LHFPL3: variants seen among roughly 807,000 people sequenced by gnomAD.
LHFPL3 encodes the protein LHFPL tetraspan subfamily member 3, also known as LHFPL tetraspan subfamily member 3 protein.
Under a neutral mutation model 19.3 loss-of-function variants are expected in LHFPL3, and 5 were observed. The ratio of observed to expected loss-of-function variants is 0.26; its 90% CI spans 0.14 to 0.54. The LOEUF (loss-of-function observed/expected upper bound fraction) is 0.54. Among genes scored for constraint, LHFPL3 ranks in the 20% least tolerant of loss-of-function variants. The probability of loss-of-function intolerance (pLI) is 0.94; values close to 1 mark genes in which losing one functional copy is unlikely to be tolerated. For missense variants in LHFPL3, 249 were observed against 307.4 expected, an observed-to-expected ratio of 0.81 and a Z score of 1.42; for synonymous variants, 133 against 126.2, an observed-to-expected ratio of 1.05 and a Z score of -0.36.
chr7:104,645,090 T>C (rs1308581986), intron 1 of LHFPL3, among the ~76,000 whole-genome samples: 1 of 152,212 alleles, frequency 6.6e-6, no homozygotes, highest in Non-Finnish European at 1.5e-5. Context: ...CATGATTATC[T>C]GAATTCTTCA....
chr7:104,431,369 C>A (rs929675108), intron 1 of LHFPL3, among the ~76,000 whole-genome samples: 1 of 152,156 alleles, frequency 6.6e-6, no homozygotes, highest in Non-Finnish European at 1.5e-5. Flanking sequence ...CCCAATGAGA[C>A]TCCTTCATCC....
At chr7:104,767,939 C>T (rs368966975) in intron 2 of LHFPL3, among the ~76,000 whole-genome samples, 3 of 151,978 alleles carry the variant, frequency 2.0e-5, no homozygotes, top group African/African-American at 7.3e-5. Context: ...TCATCTTTGC[C>T]TAAAAGCAAA....
chr7:104,595,257 A>G (rs1790823679), intron 1 of LHFPL3, among the ~76,000 whole-genome samples: 1 of 151,980 alleles, frequency 6.6e-6, no homozygotes, highest in African/African-American at 2.4e-5. Flanking sequence ...TGTTGATGCT[A>G]TTTCTTTCTG....
At chr7:104,807,265 G>A (rs1013710314) in intron 2 of LHFPL3, among the ~76,000 whole-genome samples, 1 of 151,996 alleles carries the variant, frequency 6.6e-6, no homozygotes, top group African/African-American at 2.4e-5. Context: ...AGGTTGGGGC[G>A]ATGTTTCCAC....
chr7:104,780,840 T>C (rs1794706266), intron 2 of LHFPL3, among the ~76,000 whole-genome samples: 1 of 152,252 alleles, frequency 6.6e-6, no homozygotes, highest in Non-Finnish European at 1.5e-5. Context: ...CTGCAGTTAC[T>C]TACCACCTCT....
chr7:104,611,293 A>G (rs1462484313), intron 1 of LHFPL3, among the ~76,000 whole-genome samples: 2 of 152,240 alleles, frequency 1.3e-5, no homozygotes, highest in African/African-American at 4.8e-5. Flanking sequence ...AAGAAAATTG[A>G]GACTTCTGCA....
At chr7:104,421,061 A>G (rs1170266543) in intron 1 of LHFPL3, among the ~76,000 whole-genome samples, 1 of 152,198 alleles carries the variant, frequency 6.6e-6, no homozygotes, top group Non-Finnish European at 1.5e-5. Context: ...CTATTTGTTG[A>G]TGGAAACATA....
intron 1 of LHFPL3, among the ~76,000 whole-genome samples, chr7:104,505,883 A>G (rs1209562010): frequency 2.0e-5 from 3 of 152,202 alleles, no homozygotes; most frequent in African/African-American, 4.8e-5. Flanking sequence ...ATCAGAAGTT[A>G]TACATAGAAA....
At chr7:104,505,488 G>A (rs181269315) in intron 1 of LHFPL3, among the ~76,000 whole-genome samples, 4 of 152,316 alleles carry the variant, frequency 2.6e-5, no homozygotes, top group African/African-American at 9.6e-5. Context: ...AGACTGGTGA[G>A]CTGTCAGTGA....
intron 1 of LHFPL3, among the ~76,000 whole-genome samples, chr7:104,562,511 G>C (rs1290737365): frequency 6.6e-6 from 1 of 152,038 alleles, no homozygotes; most frequent in Admixed American, 6.6e-5. Flanking sequence ...ACGTAGTTCT[G>C]GAGCCTTGGT....
chr7:104,454,273 A>G (rs753204576), intron 1 of LHFPL3, among the ~76,000 whole-genome samples: 4 of 152,234 alleles, frequency 2.6e-5, no homozygotes, highest in Non-Finnish European at 4.4e-5. Flanking sequence ...GTGGAGGTGG[A>G]GCAGCATTAG....
At chr7:104,368,007 A>G (rs1442335909) in intron 1 of LHFPL3, among the ~76,000 whole-genome samples, 1 of 152,168 alleles carries the variant, frequency 6.6e-6, no homozygotes, top group East Asian at 1.9e-4. Context: ...TTTGGCTATC[A>G]TTTCTTGCCT....
chr7:104,768,318 A>G (rs1481607715), intron 2 of LHFPL3, among the ~76,000 whole-genome samples: 1 of 152,166 alleles, frequency 6.6e-6, no homozygotes, highest in Non-Finnish European at 1.5e-5. Context: ...CTCAGTAAGA[A>G]AAAGTTGACA....
chr7:104,710,906 G>C (rs1793289090), intron 1 of LHFPL3, among the ~76,000 whole-genome samples: 1 of 152,048 alleles, frequency 6.6e-6, no homozygotes, highest in Non-Finnish European at 1.5e-5. Context: ...TGGGGAGTCT[G>C]GACTCTCCAA....
chr7:104,764,224 A>G lies in LHFPL3; in HGVS notation c.682+27313A>G, dbSNP rs146919069. ...CACTCTGTTGCCCAGGCCGGAGTGCAGTGGTGTGATCTCGGTTCACTGCAA... is the reference window on the plus strand; with the variant it reads ...CACTCTGTTGCCCAGGCCGGAGTGCGGTGGTGTGATCTCGGTTCACTGCAA... On this transcript the variant is annotated intron_variant, in intron 2 of 2. Transcript: ENST00000424859. Among the ~76,000 whole-genome samples the G allele has an allele frequency of 4.6e-4, 70 of 152,168 alleles. No individual in the cohort carries two copies. The East Asian group carries it at 0.012, about 26-fold the overall frequency.
chr7:104,616,392 A>G (rs913634167), intron 1 of LHFPL3, among the ~76,000 whole-genome samples: 1 of 152,198 alleles, frequency 6.6e-6, no homozygotes, highest in African/African-American at 2.4e-5. Context: ...TGGGGAAAGG[A>G]TTCCCTATTT....
chr7:104,692,381 A>C (rs764854908), intron 1 of LHFPL3, among the ~76,000 whole-genome samples: 5 of 152,336 alleles, frequency 3.3e-5, no homozygotes, highest in Non-Finnish European at 7.4e-5. Context: ...TCTCCAGCGC[A>C]TGTCAGAGAT....
intron 1 of LHFPL3, among the ~76,000 whole-genome samples, chr7:104,358,402 G>A (rs1485823093): frequency 6.6e-6 from 1 of 152,104 alleles, no homozygotes; most frequent in African/African-American, 2.4e-5. Context: ...TTCTCTTTGG[G>A]GGTCAGTAGG....
At chr7:104,482,927 A>G (rs1002111948) in intron 1 of LHFPL3, among the ~76,000 whole-genome samples, 2 of 152,212 alleles carry the variant, frequency 1.3e-5, no homozygotes, top group Non-Finnish European at 1.5e-5. Flanking sequence ...TTGTAGGACA[A>G]TGTTTATTAT....
Sources: allele counts gnomAD v4.1 joint callset (sites outside exome capture counted in the v4.1 genomes callset), GRCh38; gene constraint gnomAD v4.1.1; transcripts MANE v1.5; gene names NCBI Gene and HGNC (gene_info 2026-07-23, HGNC 2026-07-21).